AMMECR1L: variants seen among roughly 807,000 people sequenced by gnomAD.
AMMECR1L encodes AMMECR1 like, also known as AMMECR1-like protein.
Under a neutral mutation model 36.8 loss-of-function variants are expected in AMMECR1L, and 4 were observed. That is an observed-to-expected ratio of 0.11 (90% CI 0.05 to 0.25). The LOEUF is 0.25. Ranked by LOEUF, AMMECR1L falls within the 10% of genes least tolerant of loss-of-function variation. AMMECR1L has a pLI of 1.00. For missense variants in AMMECR1L, 232 were observed against 392.1 expected (o/e 0.59, Z 3.45); for synonymous variants, 147 against 148.0 (o/e 0.99, Z 0.05).
rs982734044 is a variant in AMMECR1L, at chr2:127,861,861, T to C, written c.*3233A>G. ...CTCAATAGAAAATAACGTCAACAGT[T>C]AGTGAAATTGTAGATGTCAACACAT... On this transcript the variant is annotated 3_prime_UTR_variant, in exon 8 of 8. Coordinates refer to ENST00000272647, the MANE Select transcript of AMMECR1L (RefSeq NM_001199140.2). The C allele has an allele frequency of 6.6e-6, 1 of 152,548 alleles. No homozygotes were observed. The highest frequency in any genetic ancestry group is 1.5e-5 in the Non-Finnish European group (1 of 68,038). The allele number at this position is 152,548 out of a possible 1,614,324, so 9.4% of individuals were successfully genotyped here.
intron 2 of AMMECR1L, among the ~76,000 whole-genome samples, chr2:127,875,961 C>CTT (rs60994162): frequency 1.3e-3 from 192 of 147,314 alleles, no homozygotes; most frequent in African/African-American, 4.4e-3. Flanking sequence ...GCCCAGCTAT[C>CTT]TTTTTTTTTT....
chr2:127,880,151 G>A (rs867965161), intron 2 of AMMECR1L, among the ~76,000 whole-genome samples: 1 of 152,098 alleles, frequency 6.6e-6, no homozygotes, highest in Non-Finnish European at 1.5e-5. Context: ...AAAAACGGAA[G>A]GAAAAAGACA....
At chr2:127,885,668 C>G (rs1691745966) in intron 1 of AMMECR1L, 142 bp downstream of exon 1, 1 of 984,174 alleles carries the variant, frequency 1.0e-6, no homozygotes, top group Non-Finnish European at 1.2e-6. Context: ...CCCCCGGACC[C>G]TCGCCCCAGG....
rs1480333379 is a variant in AMMECR1L, at chr2:127,865,690, T to C, written c.822-485A>G. 6.6e-6 allele frequency among the ~76,000 whole-genome samples: 1 copy of C among 152,244 alleles called. No individual in the cohort carries two copies. Among genetic ancestry groups the C allele is most frequent in the African/African-American group, 2.4e-5 (1 of 41,464 alleles). ...TAAAAGGGACACAGATACCTAATTC[T>C]GGGTCAAAGTCTGCTGAAGCAGGTT... is the stretch of plus-strand genomic sequence containing the variant. On this transcript the variant is annotated intron_variant, in intron 7 of 7. Coordinates refer to ENST00000272647, the MANE Select transcript of AMMECR1L (RefSeq NM_001199140.2). This position sits in a 1 kb window ranked among gnomAD's most constrained non-coding sequence, Gnocchi z 5.4.
intron 1 of AMMECR1L, chr2:127,885,012 G>A (rs1402836368): frequency 5.7e-6 from 2 of 348,170 alleles, no homozygotes; most frequent in South Asian, 1.2e-4. Flanking sequence ...GGGTGAGGGA[G>A]CATGGCAAGG....
At chr2:127,866,328 A>T (rs1690681820) in intron 7 of AMMECR1L, among the ~76,000 whole-genome samples, 1 of 152,178 alleles carries the variant, frequency 6.6e-6, no homozygotes, top group Non-Finnish European at 1.5e-5. Context: ...TATCATTCAC[A>T]TCTTACAGAC....
chr2:127,870,678 G>T, intron 5 of AMMECR1L, 136 bp downstream of exon 5: 1 of 623,918 alleles, frequency 1.6e-6, no homozygotes, highest in Non-Finnish European at 2.7e-6. Flanking sequence ...TGTCACCTAT[G>T]TTGCCCACAA....
Position 127,873,103 on chromosome 2 carries a change from A to T in AMMECR1L, c.407+725T>A. On this transcript the variant is annotated intron_variant, in intron 3 of 7. Coordinates refer to ENST00000272647, the MANE Select transcript of AMMECR1L (RefSeq NM_001199140.2). This position sits in a 1 kb window ranked among gnomAD's most constrained non-coding sequence, Gnocchi z 5.2. ...CTGAGGAATGAATAATCTCATATCA[A>T]TGAACACTCCAAAAGCATACCCCCA... 1.0e-6 allele frequency: 1 copy of T among 985,454 alleles called. No individual in the cohort carries two copies. 61.0% of individuals were successfully genotyped at this position (985,454 alleles called of 1,614,324 possible).
intron 5 of AMMECR1L, among the ~76,000 whole-genome samples, chr2:127,870,578 G>C (rs1443968644): frequency 1.3e-5 from 2 of 152,150 alleles, no homozygotes; most frequent in Non-Finnish European, 2.9e-5. Context: ...CATGGGAGAA[G>C]GATGTAAACC....
At chr2:127,867,405 A>G (rs1690739845) in intron 6 of AMMECR1L, 3 of 759,172 alleles carry the variant, frequency 4.0e-6, no homozygotes, top group South Asian at 6.0e-5. Flanking sequence ...TCTTCCTTCA[A>G]TCTGATGATT....
At chr2:127,881,499 C>T (rs567550573) in intron 2 of AMMECR1L, among the ~76,000 whole-genome samples, 2 of 152,226 alleles carry the variant, frequency 1.3e-5, no homozygotes, top group African/African-American at 2.4e-5. Context: ...TTTGAGGTTA[C>T]AATCTCAGCT....
chr2:127,868,787 C>T (rs1306397236), intron 6 of AMMECR1L, among the ~76,000 whole-genome samples: 4 of 151,736 alleles, frequency 2.6e-5, no homozygotes, highest in East Asian at 1.9e-4. Flanking sequence ...TGTAATGGCA[C>T]GATCTTGGCT....
In AMMECR1L at chr2:127,864,261, G is replaced by A. The variant is rs770934915; in HGVS notation, c.*833C>T. Reference sequence around the variant, plus strand: ...CAGCAGAGGAGTGAGGTAGCCAGGCGGTGCAGAAGAGGTCTCTCCTCTCAC... The same window carrying A: ...CAGCAGAGGAGTGAGGTAGCCAGGCAGTGCAGAAGAGGTCTCTCCTCTCAC... On this transcript the variant is annotated 3_prime_UTR_variant, in exon 8 of 8. Coordinates refer to ENST00000272647, the MANE Select transcript of AMMECR1L (RefSeq NM_001199140.2). 3.9e-5 allele frequency: 6 copies of A among 152,668 alleles called. No individual in the cohort carries two copies. Among genetic ancestry groups the A allele is most frequent in the Non-Finnish European group, 8.8e-5 (6 of 68,060 alleles). 9.5% of individuals were successfully genotyped at this position (152,668 alleles called of 1,614,324 possible).
At chr2:127,870,538 T>C (rs1690917436) in intron 5 of AMMECR1L, among the ~76,000 whole-genome samples, 1 of 151,782 alleles carries the variant, frequency 6.6e-6, no homozygotes, top group African/African-American at 2.4e-5. Context: ...ATCTGGAATA[T>C]TTTCTTTTAC....
chr2:127,872,164 C>T (rs1691005113), intron 3 of AMMECR1L, among the ~76,000 whole-genome samples: 2 of 146,590 alleles, frequency 1.4e-5, no homozygotes, highest in South Asian at 2.2e-4. Flanking sequence ...ACTCCAGCCT[C>T]GACAAGACTG....
intron 2 of AMMECR1L, among the ~76,000 whole-genome samples, chr2:127,879,167 G>A (rs574849073): frequency 5.9e-5 from 9 of 152,264 alleles, no homozygotes; most frequent in African/African-American, 1.7e-4. Context: ...TACAGTTTGC[G>A]TGTTTGTCGC....
chr2:127,861,786 G>GT lies in AMMECR1L; in HGVS notation c.*3307dup, dbSNP rs1690479497. 6.6e-6 allele frequency: 1 copy of GT among 152,298 alleles called. No homozygotes were observed. The highest frequency in any genetic ancestry group is 6.5e-5 in the Admixed American group (1 of 15,294). The allele number at this position is 152,298 out of a possible 1,614,324, so 9.4% of individuals were successfully genotyped here. ...CCATATAGTCTCTTGCTTCAGGGAA[G>GT]TAAGAACGAAATGAACAAAAAGAAC... is the stretch of plus-strand genomic sequence containing the variant. On this transcript the variant is annotated 3_prime_UTR_variant, in exon 8 of 8. Coordinates refer to ENST00000272647, the MANE Select transcript of AMMECR1L (RefSeq NM_001199140.2).
At chr2:127,867,516 G>C (rs1394778409) in intron 6 of AMMECR1L, among the ~76,000 whole-genome samples, 4 of 152,192 alleles carry the variant, frequency 2.6e-5, no homozygotes, top group Non-Finnish European at 5.9e-5. Context: ...GGAGGCTGAG[G>C]CAGGAGGATC....
intron 1 of AMMECR1L, chr2:127,885,175 G>A (rs547822606): frequency 1.0e-6 from 1 of 985,276 alleles, no homozygotes; most frequent in Non-Finnish European, 1.2e-6. Flanking sequence ...GGGCCCAAGA[G>A]TAGGGGTGCG....
Sources: allele counts gnomAD v4.1 joint callset (sites outside exome capture counted in the v4.1 genomes callset), GRCh38; gene constraint gnomAD v4.1.1; non-coding constraint Gnocchi (gnomAD v3.1); transcripts MANE v1.5; gene names NCBI Gene and HGNC (gene_info 2026-07-23, HGNC 2026-07-21).